The following GHR variants were observed in gnomAD, a reference collection of about 807,000 sequenced individuals.
The protein encoded by GHR is GH receptor.
A neutral mutation model predicts 67.1 loss-of-function variants in GHR; 35 were observed. The ratio of observed to expected loss-of-function variants is 0.52; its 90% confidence interval spans 0.40 to 0.69. The LOEUF is 0.69. GHR is among the 30% of genes least tolerant of loss of function. The pLI is 0.00. For missense variants in GHR, 792 were observed against 764.6 expected (o/e 1.04, Z -0.42); for synonymous variants, 272 against 269.1 (o/e 1.01, Z -0.10).
chr5:42,589,978 T>G (rs760427776), intron 2 of GHR, among the ~76,000 whole-genome samples: 1 of 152,148 alleles, frequency 6.6e-6, no homozygotes, highest in Non-Finnish European at 1.5e-5. Context: ...GAGTCTACAG[T>G]AAGTCATTGG....
intron 3 of GHR, among the ~76,000 whole-genome samples, chr5:42,654,378 C>T (rs917943326): frequency 6.6e-6 from 1 of 152,118 alleles, no homozygotes; most frequent in Non-Finnish European, 1.5e-5. Flanking sequence ...ATGCATGTCC[C>T]GAAAGACCCA....
intron 2 of GHR, among the ~76,000 whole-genome samples, chr5:42,618,714 C>G (rs553828854): frequency 6.6e-6 from 1 of 152,112 alleles, no homozygotes; most frequent in African/African-American, 2.4e-5. Flanking sequence ...CTGCTCAGTA[C>G]TTCACATACA....
At chr5:42,435,602 A>T (rs1170179891) in intron 1 of GHR, among the ~76,000 whole-genome samples, 4 of 152,210 alleles carry the variant, frequency 2.6e-5, no homozygotes, top group African/African-American at 9.6e-5. Context: ...CTAGTTTCCC[A>T]TGTTGACATC....
chr5:42,476,306 C>T (rs1022080416), intron 1 of GHR, among the ~76,000 whole-genome samples: 16 of 150,454 alleles, frequency 1.1e-4, no homozygotes, highest in African/African-American at 3.4e-4. Flanking sequence ...CTGCAACCTC[C>T]GCTCCCAGGT....
chr5:42,482,712 T>A (rs1745705174), intron 1 of GHR, among the ~76,000 whole-genome samples: 1 of 152,204 alleles, frequency 6.6e-6, no homozygotes, highest in Admixed American at 6.5e-5. Flanking sequence ...TGGTGTGCCA[T>A]TTTTTAAGCC....
At chr5:42,541,141 G>T (rs975522986) in intron 1 of GHR, among the ~76,000 whole-genome samples, 8 of 151,942 alleles carry the variant, frequency 5.3e-5, no homozygotes, top group African/African-American at 1.5e-4. Context: ...GGAAATATAG[G>T]AGTCAACCAA....
intron 5 of GHR, among the ~76,000 whole-genome samples, chr5:42,696,377 G>A (rs1757674111): frequency 6.6e-6 from 1 of 152,230 alleles, no homozygotes; most frequent in Non-Finnish European, 1.5e-5. Flanking sequence ...ATGACTGACA[G>A]GCCTGAGGGA....
chr5:42,469,244 A>G (rs1744890200), intron 1 of GHR, among the ~76,000 whole-genome samples: 1 of 152,222 alleles, frequency 6.6e-6, no homozygotes, highest in South Asian at 2.1e-4. Flanking sequence ...AGGAAAGCCT[A>G]ATGGGAAGTG....
At chr5:42,676,585 G>C (rs763689376) in intron 3 of GHR, among the ~76,000 whole-genome samples, 14 of 151,780 alleles carry the variant, frequency 9.2e-5, no homozygotes, top group Non-Finnish European at 1.5e-4. Flanking sequence ...TAACACCATA[G>C]GTTAAAAAAA....
At chr5:42,702,136 A>T (rs899297879) in intron 6 of GHR, among the ~76,000 whole-genome samples, 3 of 152,144 alleles carry the variant, frequency 2.0e-5, no homozygotes, top group African/African-American at 7.2e-5. Flanking sequence ...CATTTTGCAC[A>T]ATAGATTTCT....
chr5:42,461,510 A>C (rs962572104), intron 1 of GHR, among the ~76,000 whole-genome samples: 9 of 152,154 alleles, frequency 5.9e-5, no homozygotes. Context: ...CATGACTGTC[A>C]GCCTGATTGT....
At chr5:42,472,593 A>G (rs1053038460) in intron 1 of GHR, among the ~76,000 whole-genome samples, 2 of 152,264 alleles carry the variant, frequency 1.3e-5, no homozygotes, top group Non-Finnish European at 2.9e-5. Flanking sequence ...AAGAATTTGA[A>G]GGATTGTCAC....
intron 2 of GHR, chr5:42,619,763 G>A (rs774456092): frequency 5.3e-5 from 8 of 152,106 alleles, no homozygotes; most frequent in Non-Finnish European, 7.4e-5. Context: ...AGACCAACCT[G>A]TTTATGAAAG....
At chr5:42,477,915 T>C (rs1187970919) in intron 1 of GHR, among the ~76,000 whole-genome samples, 1 of 152,312 alleles carries the variant, frequency 6.6e-6, no homozygotes, top group African/African-American at 2.4e-5. Context: ...ATTTTTGCTT[T>C]TGTTGCCATT....
Position 42,711,336 on chromosome 5 carries a change from A to G in GHR, c.748A>G (p.Thr250Ala), listed in dbSNP as rs1360412514. The change falls in exon 7 of 10, where the codon ACA (threonine) becomes GCA (alanine). Residue 250 changes from threonine (T) to alanine (A), a missense_variant. Thr to Ala is a moderately conservative substitution (Grantham distance 58, BLOSUM62 0). Transcript: ENST00000230882. Reference protein sequence around the residue: ...YGEFSEVLYVTLPQMSQFTCE... With the variant: ...YGEFSEVLYVALPQMSQFTCE... ...CGAGTTCAGTGAGGTGCTCTATGTAACACTTCCTCAGATGAGCCAATTTAC... is the reference window on the plus strand; with the variant it reads ...CGAGTTCAGTGAGGTGCTCTATGTAGCACTTCCTCAGATGAGCCAATTTAC... 1.9e-6 allele frequency: 3 copies of G among 1,613,268 alleles called. No individual in the cohort carries two copies. The highest frequency in any genetic ancestry group is 1.7e-5 in the Admixed American group (1 of 60,016).
rs1480367026 is a variant in GHR at position 42,488,048 on chromosome 5, C to A, written c.-12+64093C>A. Among the ~76,000 whole-genome samples the A allele has an allele frequency of 5.3e-5, 8 of 152,340 alleles. No homozygotes were observed. In the East Asian group the frequency reaches 1.5e-3, roughly 29 times the overall value. ...CCCACTGCCCAACACCAGCTGCATA[C>A]ACACAGTCTACTTGCTGTGTGCATG... On this transcript the variant is annotated intron_variant, in intron 1 of 9. Coordinates refer to ENST00000230882, the MANE Select transcript of GHR (RefSeq NM_000163.5).
At chr5:42,448,849 T>C (rs188507203) in intron 1 of GHR, among the ~76,000 whole-genome samples, 1 of 152,292 alleles carries the variant, frequency 6.6e-6, no homozygotes, top group Non-Finnish European at 1.5e-5. Flanking sequence ...TCCTTCTACA[T>C]GGGGCTTGCC....
chr5:42,644,305 G>C (rs1580115315), intron 3 of GHR, among the ~76,000 whole-genome samples: 1 of 152,144 alleles, frequency 6.6e-6, no homozygotes, highest in Non-Finnish European at 1.5e-5. Flanking sequence ...CTTTCCATGA[G>C]AATTGATCTG....
chr5:42,594,672 G>C (rs1246746417), intron 2 of GHR, among the ~76,000 whole-genome samples: 1 of 151,930 alleles, frequency 6.6e-6, no homozygotes, highest in East Asian at 1.9e-4. Context: ...TTCTATACTT[G>C]GTAACCTACA....
Sources: gnomAD v4.1 joint callset for allele counts (sites outside exome capture counted in the v4.1 genomes callset) on GRCh38, gnomAD v4.1.1 for gene constraint, MANE v1.5 for transcripts, NCBI Gene and HGNC (gene_info 2026-07-23, HGNC 2026-07-21) for gene names.